The following HERC1 variants were observed in gnomAD, a reference collection of about 807,000 sequenced individuals.
The protein encoded by HERC1 is HECT and RLD domain containing E3 ubiquitin protein ligase family member 1.
HERC1 carries 160 observed loss-of-function variants against 554.3 expected under a neutral mutation model. That is an observed-to-expected ratio of 0.29 (90% confidence interval 0.25 to 0.33). The LOEUF is 0.33. Ranked by LOEUF, HERC1 falls within the 10% of genes least tolerant of loss-of-function variation. The probability of loss-of-function intolerance (pLI) is 1.00; values close to 1 mark genes in which losing one functional copy is unlikely to be tolerated. For missense variants in HERC1, 4,919 were observed against 5,918.5 expected, an observed-to-expected ratio of 0.83 and a Z score of 5.54; for synonymous variants, 2,175 against 2,131.7, an observed-to-expected ratio of 1.02 and a Z score of -0.56.
chr15:63,799,401 A>G (rs6494437), intron 1 of HERC1, among the ~76,000 whole-genome samples: 45,988 of 151,784 alleles, frequency 0.3, 7,399 homozygotes, highest in Middle Eastern at 0.4. Context: ...TCAGGAGGCT[A>G]AGGTGGGAGG....
chr15:63,635,489 T>C (rs2068742142), intron 65 of HERC1, among the ~76,000 whole-genome samples: 1 of 152,346 alleles, frequency 6.6e-6, no homozygotes, highest in East Asian at 1.9e-4. Context: ...TGACCTAGAC[T>C]AAATGAGATA....
At chr15:63,827,866 A>G (rs760763668) in intron 1 of HERC1, among the ~76,000 whole-genome samples, 2 of 152,234 alleles carry the variant, frequency 1.3e-5, no homozygotes, top group Non-Finnish European at 2.9e-5. Flanking sequence ...AAATTATGCT[A>G]AGTGAAAGAA....
At chr15:63,796,340 A>C (rs1198328018) in intron 1 of HERC1, among the ~76,000 whole-genome samples, 5 of 152,238 alleles carry the variant, frequency 3.3e-5, no homozygotes, top group Non-Finnish European at 5.9e-5. Flanking sequence ...GGTACTACTG[A>C]AATGTGACTA....
chr15:63,815,751 T>C (rs1030717464), intron 1 of HERC1, among the ~76,000 whole-genome samples: 5 of 152,202 alleles, frequency 3.3e-5, no homozygotes, highest in Non-Finnish European at 7.3e-5. Context: ...CTCATGCTGC[T>C]GTGAAGAAAT....
Position 63,609,048 on chromosome 15 carries a change from G to C in HERC1, c.*33C>G. 3 of 1,585,854 alleles carry C rather than the reference G, an allele frequency of 1.9e-6. No homozygotes were observed. Among genetic ancestry groups the C allele is most frequent in the Non-Finnish European group, 2.6e-6 (3 of 1,160,016 alleles). On this transcript the variant is annotated 3_prime_UTR_variant, in exon 78 of 78. Coordinates refer to ENST00000443617, the MANE Select transcript of HERC1 (RefSeq NM_003922.4). ...TCAAATCAGAAGTGAGCATTATTGA[G>C]GGAGAGAAGGGAGGGTGAGAGCACC...
intron 40 of HERC1, among the ~76,000 whole-genome samples, chr15:63,669,299 A>T (rs989608702): frequency 6.6e-6 from 1 of 152,224 alleles, no homozygotes; most frequent in African/African-American, 2.4e-5. Context: ...AAATGGCTAT[A>T]TTGGGAAAAA....
intron 1 of HERC1, among the ~76,000 whole-genome samples, chr15:63,809,920 T>A (rs1040192883): frequency 2.6e-5 from 4 of 151,984 alleles, no homozygotes; most frequent in Non-Finnish European, 2.9e-5. Flanking sequence ...GTTTAAGCAA[T>A]CCTGCCTCAG....
intron 1 of HERC1, among the ~76,000 whole-genome samples, chr15:63,786,081 G>C (rs977081075): frequency 4.0e-5 from 6 of 151,794 alleles, no homozygotes; most frequent in Non-Finnish European, 7.4e-5. Flanking sequence ...CAAAACATAA[G>C]GTACTCAATA....
chr15:63,830,158 C>T (rs1374639706), intron 1 of HERC1, among the ~76,000 whole-genome samples: 2 of 152,024 alleles, frequency 1.3e-5, no homozygotes, highest in Non-Finnish European at 2.9e-5. Context: ...AAAGTGTCTC[C>T]CCCAAGATAT....
intron 1 of HERC1, among the ~76,000 whole-genome samples, chr15:63,791,395 G>A (rs1352431664): frequency 6.6e-6 from 1 of 152,140 alleles, no homozygotes; most frequent in African/African-American, 2.4e-5. Context: ...TACGAGCTCT[G>A]TGTATATTCT....
chr15:63,683,636 T>C (rs2071596496), intron 34 of HERC1, among the ~76,000 whole-genome samples: 2 of 152,208 alleles, frequency 1.3e-5, no homozygotes, highest in African/African-American at 4.8e-5. Flanking sequence ...TGTCAGGTCC[T>C]ACACCATCTA....
intron 59 of HERC1, among the ~76,000 whole-genome samples, chr15:63,642,334 TGA>T (rs1361148905): frequency 1.3e-5 from 2 of 152,308 alleles, no homozygotes; most frequent in East Asian, 1.9e-4. Flanking sequence ...AAAAATTGTT[TGA>T]GAGAGTTTTT....
intron 76 of HERC1, among the ~76,000 whole-genome samples, chr15:63,613,398 T>G (rs1423378296): frequency 6.6e-6 from 1 of 152,144 alleles, no homozygotes; most frequent in Non-Finnish European, 1.5e-5. Flanking sequence ...TCTCCTCCAA[T>G]ATTATACAGT....
At chr15:63,751,129 A>T (rs2075228931) in intron 8 of HERC1, among the ~76,000 whole-genome samples, 1 of 152,334 alleles carries the variant, frequency 6.6e-6, no homozygotes, top group Admixed American at 6.5e-5. Context: ...GGTATCATAT[A>T]CACTCATGCA....
At chr15:63,744,861 G>A (rs1377124243) in intron 12 of HERC1, among the ~76,000 whole-genome samples, 4 of 152,140 alleles carry the variant, frequency 2.6e-5, no homozygotes, top group South Asian at 2.1e-4. Flanking sequence ...TGGCTGTGCT[G>A]GTACCTGAAG....
Position 63,727,354 on chromosome 15 carries a change from T to C in HERC1, c.3346+293A>G, listed in dbSNP as rs1165523235. The stretch of plus-strand genomic sequence containing the variant: ...TCAACATCCTGATATGGTTGTAAAT[T>C]TGACACTTGGACTAAGTGACACTTG... On this transcript the variant is annotated intron_variant, in intron 17 of 77. Coordinates refer to ENST00000443617, the MANE Select transcript of HERC1 (RefSeq NM_003922.4). This position sits in a 1 kb window ranked among gnomAD's most constrained non-coding sequence, Gnocchi z 4.3. 6.6e-6 allele frequency among the ~76,000 whole-genome samples: 1 copy of C among 152,192 alleles called. No individual in the cohort carries two copies. Among genetic ancestry groups the C allele is most frequent in the Non-Finnish European group, 1.5e-5 (1 of 68,038 alleles).
chr15:63,788,601 T>G (rs1343843379), intron 1 of HERC1, among the ~76,000 whole-genome samples: 1 of 152,166 alleles, frequency 6.6e-6, no homozygotes, highest in Admixed American at 6.5e-5. Flanking sequence ...TCATAATCTA[T>G]AATTAATAAA....
Position 63,734,925 on chromosome 15 carries a change from A to C in HERC1, c.2521-76T>G. The C allele has an allele frequency of 1.6e-6, 2 of 1,248,048 alleles. No individual in the cohort carries two copies. Among genetic ancestry groups the C allele is most frequent in the Non-Finnish European group, 2.3e-6 (2 of 888,498 alleles). 77.3% of individuals were successfully genotyped at this position (1,248,048 alleles called of 1,614,324 possible). A position where few individuals can be genotyped will look rare whatever the true frequency, so the allele number is the denominator to read the frequency against. On this transcript the variant is annotated intron_variant, in intron 12 of 77. Transcript: ENST00000443617. The surrounding 1 kb of genome is among the most constrained non-coding windows in gnomAD (Gnocchi z 4.6). ...ATAAAAACACACTTAAAGCGAACTCACTGACTACTAGGATCATGTAAGTCT... is the reference window on the plus strand; with the variant it reads ...ATAAAAACACACTTAAAGCGAACTCCCTGACTACTAGGATCATGTAAGTCT...
intron 55 of HERC1, 140 bp from the exon 56 acceptor site, chr15:63,645,822 T>A (rs1319511741): frequency 1.7e-6 from 1 of 589,320 alleles, no homozygotes; most frequent in Non-Finnish European, 2.9e-6. Context: ...TTTATGCAAA[T>A]CAGATACTGC....
Sources: gnomAD v4.1 joint callset for allele counts (sites outside exome capture counted in the v4.1 genomes callset) on GRCh38, gnomAD v4.1.1 for gene constraint, Gnocchi (gnomAD v3.1) non-coding constraint, MANE v1.5 for transcripts, NCBI Gene and HGNC (gene_info 2026-07-23, HGNC 2026-07-21) for gene names.